Variants in KCNIP4 observed in about 807,000 individuals in gnomAD.
KCNIP4 encodes the protein Kv channel-interacting protein 4.
KCNIP4 carries 12 observed loss-of-function variants against 34.0 expected under a neutral mutation model. The ratio of observed to expected loss-of-function variants is 0.35; its 90% CI spans 0.23 to 0.57. The LOEUF (loss-of-function observed/expected upper bound fraction) is 0.57. Ranked by LOEUF, KCNIP4 falls within the 20% of genes least tolerant of loss-of-function variation. The probability of loss-of-function intolerance (pLI) is 0.83; values close to 1 mark genes in which losing one functional copy is unlikely to be tolerated. For synonymous variants in KCNIP4, 124 were observed against 102.2 expected (o/e 1.21, Z -1.29); for missense variants, 238 against 311.7 (o/e 0.76, Z 1.78).
At chr4:21,251,219 T>A (rs934575139) in intron 1 of KCNIP4, among the ~76,000 whole-genome samples, 1 of 152,202 alleles carries the variant, frequency 6.6e-6, no homozygotes, top group Non-Finnish European at 1.5e-5. Flanking sequence ...TCTATCTATA[T>A]TGTTAGATTA....
At chr4:21,298,462 G>A (rs986329479) in intron 1 of KCNIP4, among the ~76,000 whole-genome samples, 7 of 152,118 alleles carry the variant, frequency 4.6e-5, no homozygotes, top group South Asian at 4.2e-4. Context: ...AATAACAGTC[G>A]TCCTGGATTC....
Position 21,234,365 on chromosome 4 carries a change from A to AAC in KCNIP4, c.62-351657_62-351656insGT, listed in dbSNP as rs1182208132. On this transcript the variant is annotated intron_variant, in intron 1 of 8. Transcript: ENST00000382152. ...AACATACATTATATATAACATATAT[A>AAC]ATATATAACATACATCATACATAAC... 2.4e-4 allele frequency among the ~76,000 whole-genome samples: 29 copies of AAC among 122,340 alleles called. 3 individuals are homozygous for AAC. Among genetic ancestry groups the AAC allele is most frequent in the Non-Finnish European group, 3.4e-4 (22 of 64,062 alleles). The allele number at this position is 122,340 out of a possible 152,430, so 80.3% of individuals were successfully genotyped here. A position where few individuals can be genotyped will look rare whatever the true frequency, so the allele number is the denominator to read the frequency against.
At chr4:21,689,314 A>G (rs1204472250) in intron 1 of KCNIP4, among the ~76,000 whole-genome samples, 1 of 152,204 alleles carries the variant, frequency 6.6e-6, no homozygotes, top group Non-Finnish European at 1.5e-5. Context: ...TTTGAATAAA[A>G]CTAATAGAAC....
intron 1 of KCNIP4, among the ~76,000 whole-genome samples, chr4:21,869,448 A>C (rs1315991572): frequency 6.6e-6 from 1 of 152,068 alleles, no homozygotes; most frequent in Admixed American, 6.6e-5. Context: ...TCCTGTCTTC[A>C]AGGTTTTCTT....
chr4:20,731,305 C>G (rs1560401916), intron 8 of KCNIP4: 2 of 784,580 alleles, frequency 2.5e-6, no homozygotes, highest in Admixed American at 6.3e-5. Flanking sequence ...AAATCCTGGC[C>G]TTAAGTTATC....
At chr4:21,916,539 A>G (rs759988223) in intron 1 of KCNIP4, among the ~76,000 whole-genome samples, 1 of 152,214 alleles carries the variant, frequency 6.6e-6, no homozygotes, top group South Asian at 2.1e-4. Flanking sequence ...CAACAGAAGC[A>G]ATCAATATTT....
intron 1 of KCNIP4, among the ~76,000 whole-genome samples, chr4:21,784,519 T>C (rs36125523): frequency 0.23 from 35,445 of 152,078 alleles, 5,909 homozygotes; most frequent in East Asian, 0.66. Flanking sequence ...TATTCTAATA[T>C]GTCAACCTGC....
chr4:21,348,482 C>T (rs932505785), intron 1 of KCNIP4, among the ~76,000 whole-genome samples: 1 of 152,090 alleles, frequency 6.6e-6, no homozygotes, highest in African/African-American at 2.4e-5. Context: ...TTTAGCAGTT[C>T]CATCCTGGTT....
At chr4:21,820,291 A>T (rs1028722709) in intron 1 of KCNIP4, among the ~76,000 whole-genome samples, 2 of 12,108 alleles carry the variant, frequency 1.7e-4, no homozygotes, top group African/African-American at 2.5e-4. Flanking sequence ...GTGTGTATAT[A>T]TATATATATA....
intron 1 of KCNIP4, among the ~76,000 whole-genome samples, chr4:21,336,359 T>A (rs181828582): frequency 1.2e-4 from 18 of 152,280 alleles, no homozygotes; most frequent in African/African-American, 4.3e-4. Flanking sequence ...TACCTTTACC[T>A]AGAGTTTCAT....
At chr4:21,340,460 T>C (rs1010636214) in intron 1 of KCNIP4, among the ~76,000 whole-genome samples, 27 of 152,168 alleles carry the variant, frequency 1.8e-4, no homozygotes, top group African/African-American at 6.5e-4. Context: ...ACTTGATTTA[T>C]GTTATGTCTG....
intron 3 of KCNIP4, among the ~76,000 whole-genome samples, chr4:20,764,009 A>G (rs1347044104): frequency 6.6e-6 from 1 of 152,180 alleles, no homozygotes; most frequent in African/African-American, 2.4e-5. Flanking sequence ...AGATTTTTCT[A>G]AGGATCCAAG....
At chr4:21,474,416 A>G (rs1218922854) in intron 1 of KCNIP4, among the ~76,000 whole-genome samples, 1 of 152,166 alleles carries the variant, frequency 6.6e-6, no homozygotes, top group Non-Finnish European at 1.5e-5. Context: ...GAAACAAAAA[A>G]CGATCAATTC....
intron 1 of KCNIP4, among the ~76,000 whole-genome samples, chr4:21,299,847 T>C (rs932837830): frequency 5.3e-5 from 8 of 152,182 alleles, no homozygotes; most frequent in African/African-American, 1.9e-4. Context: ...TAAAAATCCA[T>C]CTTTGTGTAT....
At chr4:21,276,791 A>G (rs1456621101) in intron 1 of KCNIP4, among the ~76,000 whole-genome samples, 1 of 152,168 alleles carries the variant, frequency 6.6e-6, no homozygotes, top group East Asian at 1.9e-4. Context: ...TTTTGGGCCA[A>G]TGAGGTGTAA....
intron 1 of KCNIP4, among the ~76,000 whole-genome samples, chr4:21,426,462 T>C (rs755673121): frequency 1.2e-4 from 18 of 152,218 alleles, no homozygotes; most frequent in Non-Finnish European, 2.5e-4. Context: ...TACTCTTGGA[T>C]AAAATTGTCA....
chr4:21,437,335 T>C (rs903176884), intron 1 of KCNIP4, among the ~76,000 whole-genome samples: 1 of 152,212 alleles, frequency 6.6e-6, no homozygotes, highest in Admixed American at 6.5e-5. Flanking sequence ...AAGCAAGGCA[T>C]ACTTTCTTTA....
chr4:21,878,782 C>T (rs1726288116), intron 1 of KCNIP4, among the ~76,000 whole-genome samples: 2 of 152,148 alleles, frequency 1.3e-5, no homozygotes, highest in Admixed American at 6.5e-5. Context: ...GCTACATGTA[C>T]TTCCCACACC....
chr4:21,368,175 G>A (rs189378480), intron 1 of KCNIP4, among the ~76,000 whole-genome samples: 3 of 146,864 alleles, frequency 2.0e-5, no homozygotes, highest in Non-Finnish European at 4.4e-5. Context: ...CTGAGTTGCA[G>A]TGATTAATGG....
Sources: gnomAD v4.1 joint callset for allele counts (sites outside exome capture counted in the v4.1 genomes callset) on GRCh38, gnomAD v4.1.1 for gene constraint, MANE v1.5 for transcripts, NCBI Gene and HGNC (gene_info 2026-07-23, HGNC 2026-07-21) for gene names.